Variants in ZBTB40 observed in about 807,000 individuals in gnomAD.
The protein encoded by ZBTB40 is zinc finger and BTB domain containing 40.
ZBTB40 carries 60 observed loss-of-function variants against 117.5 expected under a neutral mutation model. The ratio of observed to expected loss-of-function variants is 0.51; its 90% CI spans 0.41 to 0.63. The LOEUF is 0.63. Among genes scored for constraint, ZBTB40 ranks in the 30% least tolerant of loss-of-function variants. ZBTB40 has a pLI of 0.00. For missense variants in ZBTB40, 1,287 were observed against 1,498.5 expected (o/e 0.86, Z 2.33); for synonymous variants, 525 against 577.1 (o/e 0.91, Z 1.29).
In ZBTB40 at chr1:22,490,378, C is replaced by G. The variant is rs776931634; in HGVS notation, c.430C>G (p.Pro144Ala). ...SETFRKEPEK[P>A]QVEILSSEGA... is the part of the protein sequence containing the mutation. Reference sequence around the variant, plus strand: ...GACATTCAGAAAGGAACCAGAGAAGCCTCAAGTAGAAATCCTTTCATCTGA... The same window carrying G: ...GACATTCAGAAAGGAACCAGAGAAGGCTCAAGTAGAAATCCTTTCATCTGA... The change falls in exon 2 of 18, where the codon CCT (proline) becomes GCT (alanine). Residue 144 changes from proline to alanine, a missense_variant. Coordinates refer to ENST00000375647, the MANE Select transcript of ZBTB40 (RefSeq NM_014870.4). 20 of 1,613,834 alleles carry G rather than the reference C, an allele frequency of 1.2e-5. No homozygotes were observed. The African/African-American group carries it at 2.7e-4, about 22-fold the overall frequency.
chr1:22,455,901 T>C (rs1376635783), intron 1 of ZBTB40, among the ~76,000 whole-genome samples: 2 of 152,122 alleles, frequency 1.3e-5, no homozygotes, highest in Non-Finnish European at 2.9e-5. Context: ...ATAAAATAGA[T>C]TGAAAAACAA....
At chr1:22,463,483 TC>T (rs1641181510) in intron 1 of ZBTB40, among the ~76,000 whole-genome samples, 1 of 152,164 alleles carries the variant, frequency 6.6e-6, no homozygotes. Context: ...AAGCAAAGGG[TC>T]TTTTTGATAC....
intron 11 of ZBTB40, among the ~76,000 whole-genome samples, chr1:22,512,552 A>G (rs1239781538): frequency 6.6e-6 from 1 of 152,214 alleles, no homozygotes. Context: ...CATGGGATGT[A>G]CAGTCAGAAT....
At chr1:22,490,697 A>G in intron 2 of ZBTB40, 52 bp downstream of exon 2, 3 of 1,593,564 alleles carry the variant, frequency 1.9e-6, no homozygotes, top group East Asian at 4.5e-5. Flanking sequence ...GATCTTTATC[A>G]GTTTTAATGT....
Position 22,502,388 on chromosome 1 carries a change from A to T in ZBTB40, c.1114A>T (p.Met372Leu), listed in dbSNP as rs772693703. 14 of 1,614,130 alleles carry T rather than the reference A, an allele frequency of 8.7e-6. No homozygotes were observed. Among genetic ancestry groups the T allele is most frequent in the Non-Finnish European group, 1.2e-5 (14 of 1,179,988 alleles). ...GTGTGTAACACAGCTGAGACCTATT[A>T]TGGAGTCCCTGGAAACAGCCAAGGA... Reference protein sequence around the residue: ...IQCVTQLRPIMESLETAKEEF... With the variant: ...IQCVTQLRPILESLETAKEEF... The change falls in exon 5 of 18, where the codon ATG (methionine) becomes TTG (leucine). Residue 372 changes from methionine (M) to leucine (L), a missense_variant. By Grantham distance (15) the Met-to-Leu change is conservative (BLOSUM62 2). Transcript: ENST00000375647.
In ZBTB40 at chr1:22,524,307, C is replaced by G; in HGVS notation, c.3388C>G (p.Gln1130Glu). ...QHHVTTEHFK[Q>E]SETTFPCELC... ...CCATGTCACCACGGAGCACTTCAAG[C>G]AGTCAGAGACCACCTTCCCCTGTGA... The change falls in exon 17 of 18, where the codon CAG becomes GAG. Residue 1130 changes from glutamine (Q) to glutamate (E), a missense_variant. Physicochemically the swap from Gln to Glu is conservative, Grantham distance 29. Around this residue, in one of 2 missense-constraint regions of ZBTB40, gnomAD observed 417 missense variants for 564.1 expected, o/e 0.74. Coordinates refer to ENST00000375647, the MANE Select transcript of ZBTB40 (RefSeq NM_014870.4). 1 of 1,614,184 alleles carries G rather than the reference C, an allele frequency of 6.2e-7. No homozygotes were observed. Among genetic ancestry groups the G allele is most frequent in the Non-Finnish European group, 8.5e-7 (1 of 1,180,036 alleles).
chr1:22,507,235 G>A (rs1639096590), intron 6 of ZBTB40, among the ~76,000 whole-genome samples: 1 of 152,200 alleles, frequency 6.6e-6, no homozygotes, highest in African/African-American at 2.4e-5. Flanking sequence ...GTGAAATGAG[G>A]TAAGGGTGGT....
At chr1:22,483,074 G>A (rs556441868) in intron 1 of ZBTB40, among the ~76,000 whole-genome samples, 272 of 126,084 alleles carry the variant, frequency 2.2e-3, no homozygotes, top group Non-Finnish European at 3.3e-3. Flanking sequence ...GCAGGACTCC[G>A]TCTCAAAAAA....
At chr1:22,446,656 C>T (rs1331971264) in intron 1 of ZBTB40, among the ~76,000 whole-genome samples, 1 of 151,860 alleles carries the variant, frequency 6.6e-6, no homozygotes, top group African/African-American at 2.4e-5. Context: ...GAAAACTCCA[C>T]CGAACTAGAA....
intron 3 of ZBTB40, among the ~76,000 whole-genome samples, chr1:22,493,088 A>G (rs1638676538): frequency 6.6e-6 from 1 of 152,236 alleles, no homozygotes; most frequent in Non-Finnish European, 1.5e-5. Flanking sequence ...ACCTAAAAGT[A>G]TGTGGCATGT....
At chr1:22,517,579 C>T in intron 13 of ZBTB40, 115 bp downstream of exon 13, 2 of 1,285,786 alleles carry the variant, frequency 1.6e-6, no homozygotes, top group East Asian at 2.4e-5. Context: ...GTGCATTCCC[C>T]TTACCTGTTC....
upstream of ZBTB40, among the ~76,000 whole-genome samples, chr1:22,447,428 G>C (rs997066186): frequency 6.6e-6 from 1 of 152,176 alleles, no homozygotes; most frequent in Non-Finnish European, 1.5e-5. Flanking sequence ...AGAGATGTCT[G>C]TGACAATTCC....
intron 5 of ZBTB40, 44 bp downstream of exon 5, chr1:22,502,485 G>A (rs1227116927): frequency 1.9e-6 from 3 of 1,613,228 alleles, no homozygotes; most frequent in South Asian, 2.2e-5. Flanking sequence ...AATTCATATA[G>A]CACTTAAAAA....
chr1:22,505,313 A>G (rs1639048543), intron 5 of ZBTB40, among the ~76,000 whole-genome samples: 1 of 152,332 alleles, frequency 6.6e-6, no homozygotes, highest in South Asian at 2.1e-4. Context: ...ATATTAAAAT[A>G]TCTGTAAAAT....
upstream of ZBTB40, among the ~76,000 whole-genome samples, chr1:22,449,048 T>G (rs1640824510): frequency 6.6e-6 from 1 of 152,118 alleles, no homozygotes; most frequent in Non-Finnish European, 1.5e-5. Context: ...ACTCCTGACC[T>G]CATGATCCGC....
rs924509892 is a variant in ZBTB40 at position 22,487,456 on chromosome 1, G to A, written c.-69-2424G>A. On this transcript the variant is annotated intron_variant, in intron 1 of 17. Transcript: ENST00000375647. Reference sequence around the variant, plus strand: ...AGATAAGATCCTCAAACCCAAAACTGAACTAGATGTCTCTTCCCCTAAACT... The same window carrying A: ...AGATAAGATCCTCAAACCCAAAACTAAACTAGATGTCTCTTCCCCTAAACT... 2.6e-5 allele frequency among the ~76,000 whole-genome samples: 4 copies of A among 152,034 alleles called. No homozygotes were observed. The East Asian group carries it at 5.8e-4, about 22-fold the overall frequency.
At chr1:22,508,491 G>A (rs2124453235) in intron 7 of ZBTB40, 39 bp from the exon 8 acceptor site, 1 of 1,609,482 alleles carries the variant, frequency 6.2e-7, no homozygotes, top group Middle Eastern at 1.7e-4. Context: ...CTAGTGGCTG[G>A]AGAGTCTCTT....
At position 22,515,633 on chromosome 1, in the gene ZBTB40, C is replaced by T. The variant is rs145632890; in HGVS notation, c.2669-1667C>T. 1.2e-3 allele frequency among the ~76,000 whole-genome samples: 184 copies of T among 152,272 alleles called. 1 individual carries two copies. The highest frequency in any genetic ancestry group is 4.3e-3 in the African/African-American group (178 of 41,542). Reference sequence around the variant, plus strand: ...CTCCTTTTCTGACTCTTCTTCCTCCCTCTTATGAGGACCCTTGCGATTACA... The same window carrying T: ...CTCCTTTTCTGACTCTTCTTCCTCCTTCTTATGAGGACCCTTGCGATTACA... On this transcript the variant is annotated intron_variant, in intron 12 of 17. Transcript: ENST00000375647.
intron 6 of ZBTB40, 74 bp downstream of exon 6, chr1:22,506,315 C>A: frequency 6.9e-7 from 1 of 1,448,082 alleles, no homozygotes; most frequent in Non-Finnish European, 9.7e-7. Flanking sequence ...ACCCTTTTGG[C>A]TCCATGCTGG....
Sources: allele counts gnomAD v4.1 joint callset (sites outside exome capture counted in the v4.1 genomes callset), GRCh38; gene constraint gnomAD v4.1.1; regional missense constraint gnomAD v4.1.1; transcripts MANE v1.5; gene names NCBI Gene and HGNC (gene_info 2026-07-23, HGNC 2026-07-21).